RGL1: variants seen among roughly 807,000 people sequenced by gnomAD.
The protein encoded by RGL1 is ral guanine nucleotide dissociation stimulator-like 1.
In RGL1, 24 loss-of-function variants were observed where a neutral mutation model predicts 95.2. The observed-to-expected ratio is 0.25, with a 90% CI of 0.18 to 0.35. RGL1 has a LOEUF of 0.35. Among genes scored for constraint, RGL1 ranks in the 10% least tolerant of loss-of-function variants. RGL1 has a pLI of 1.00. For synonymous variants in RGL1, 329 were observed against 344.9 expected, an observed-to-expected ratio of 0.95 and a Z score of 0.51; for missense variants, 715 against 936.3, an observed-to-expected ratio of 0.76 and a Z score of 3.08.
In RGL1 at chr1:183,891,757, T is replaced by G. The variant is rs796831004; in HGVS notation, c.1056-320T>G. ...AGTTTTTTTTTTTTTTTTTTTTTTT[T>G]TTTGTTTAACTCACTGAGAAGAACA... On this transcript the variant is annotated intron_variant, in intron 8 of 17. Transcript: ENST00000360851. Among the ~76,000 whole-genome samples, 1,077 of 121,750 alleles carry G rather than the reference T, an allele frequency of 8.8e-3. 8 individuals carry two copies. The highest frequency in any genetic ancestry group is 0.012 in the Non-Finnish European group (690 of 57,118). 79.9% of individuals were successfully genotyped at this position (121,750 alleles called of 152,430 possible). A position where few individuals can be genotyped will look rare whatever the true frequency, so the allele number is the denominator to read the frequency against.
chr1:183,831,143 G>T (rs1255083084), intron 2 of RGL1, among the ~76,000 whole-genome samples: 1 of 152,210 alleles, frequency 6.6e-6, no homozygotes, highest in Non-Finnish European at 1.5e-5. Flanking sequence ...TGGTGTGGCA[G>T]GGGAAGATGG....
chr1:183,708,773 G>A (rs1215340391), intron 1 of RGL1, among the ~76,000 whole-genome samples: 1 of 152,248 alleles, frequency 6.6e-6, no homozygotes, highest in Non-Finnish European at 1.5e-5. Context: ...GATGAGATCA[G>A]TGACTGGTGT....
At chr1:183,904,114 G>T (rs886201950) in intron 12 of RGL1, among the ~76,000 whole-genome samples, 11 of 152,136 alleles carry the variant, frequency 7.2e-5, no homozygotes, top group African/African-American at 2.4e-4. Flanking sequence ...TTAAACTTCT[G>T]GAAAGTTTGA....
At chr1:183,791,645 T>G (rs1271440251) in intron 2 of RGL1, among the ~76,000 whole-genome samples, 1 of 152,212 alleles carries the variant, frequency 6.6e-6, no homozygotes, top group Non-Finnish European at 1.5e-5. Context: ...TTTTTAAAAC[T>G]TTTCTATGTT....
At chr1:183,739,061 C>T (rs1201082980) in intron 1 of RGL1, among the ~76,000 whole-genome samples, 1 of 152,152 alleles carries the variant, frequency 6.6e-6, no homozygotes, top group Non-Finnish European at 1.5e-5. Flanking sequence ...TTTAAGGTAG[C>T]AACAGCAAAG....
intron 2 of RGL1, among the ~76,000 whole-genome samples, chr1:183,746,799 C>T (rs1276279737): frequency 6.6e-6 from 1 of 151,942 alleles, no homozygotes; most frequent in East Asian, 1.9e-4. Context: ...CTCCCCTTGC[C>T]CCCCATCCCC....
chr1:183,691,199 C>T (rs181842132), intron 1 of RGL1, among the ~76,000 whole-genome samples: 398 of 152,232 alleles, frequency 2.6e-3, no homozygotes, highest in Middle Eastern at 6.8e-3. Flanking sequence ...ATAAAATGAA[C>T]ATGACTTGGT....
chr1:183,675,207 G>A (rs535442634), intron 1 of RGL1, among the ~76,000 whole-genome samples: 2 of 152,232 alleles, frequency 1.3e-5, no homozygotes, highest in Non-Finnish European at 2.9e-5. Flanking sequence ...TTACATTTTG[G>A]TTGGGATGGG....
chr1:183,904,422 A>G lies in RGL1; in HGVS notation c.1351-428A>G, dbSNP rs553924163. 7.9e-5 allele frequency among the ~76,000 whole-genome samples: 12 copies of G among 152,302 alleles called. No individual in the cohort carries two copies. In the East Asian group the frequency reaches 2.1e-3, roughly 27 times the overall value. ...GGATCTTGGGAGCTCCCTGACTTAA[A>G]GTATTTCTTTTCTTTTTTTTAAGAA... On this transcript the variant is annotated intron_variant, in intron 12 of 17. Transcript: ENST00000360851.
chr1:183,840,341 T>G (rs1663962739), intron 2 of RGL1, among the ~76,000 whole-genome samples: 3 of 152,158 alleles, frequency 2.0e-5, no homozygotes, highest in African/African-American at 7.2e-5. Context: ...GAATCCTGGT[T>G]TCTATGATTC....
intron 4 of RGL1, among the ~76,000 whole-genome samples, chr1:183,867,227 CAG>C (rs1665893099): frequency 6.6e-6 from 1 of 152,010 alleles, no homozygotes; most frequent in Non-Finnish European, 1.5e-5. Context: ...GAACTAAGGG[CAG>C]ATAGAGGAGA....
chr1:183,881,349 T>G (rs1243655343), intron 5 of RGL1, among the ~76,000 whole-genome samples: 1 of 152,204 alleles, frequency 6.6e-6, no homozygotes. Flanking sequence ...CAGTGCAGAT[T>G]GTCATCATTT....
intron 4 of RGL1, among the ~76,000 whole-genome samples, chr1:183,878,166 A>G (rs555683559): frequency 1.3e-5 from 2 of 151,662 alleles, no homozygotes; most frequent in African/African-American, 2.4e-5. Context: ...CTATCTATCT[A>G]TCTATCTATC....
intron 7 of RGL1, among the ~76,000 whole-genome samples, chr1:183,885,959 T>A (rs1330009952): frequency 6.6e-6 from 1 of 152,124 alleles, no homozygotes; most frequent in Non-Finnish European, 1.5e-5. Flanking sequence ...GTTTTTTTTT[T>A]TCTAGGCAAA....
intron 11 of RGL1, 59 bp from the exon 12 acceptor site, chr1:183,902,509 A>T: frequency 6.8e-7 from 1 of 1,462,334 alleles, no homozygotes; most frequent in Non-Finnish European, 9.4e-7. Flanking sequence ...CTACGACAAC[A>T]TATGGCTGTG....
chr1:183,812,734 G>A (rs775572743), intron 2 of RGL1, among the ~76,000 whole-genome samples: 5 of 152,192 alleles, frequency 3.3e-5, no homozygotes, highest in African/African-American at 9.7e-5. Flanking sequence ...GAGAAGTGAC[G>A]GATGAGTGAG....
At chr1:183,786,459 T>A (rs1449156403) in intron 2 of RGL1, among the ~76,000 whole-genome samples, 1 of 152,182 alleles carries the variant, frequency 6.6e-6, no homozygotes, top group Non-Finnish European at 1.5e-5. Flanking sequence ...GATTTCAGAT[T>A]TTTAAAATAT....
chr1:183,793,526 C>G (rs915424897), intron 2 of RGL1, among the ~76,000 whole-genome samples: 2 of 151,924 alleles, frequency 1.3e-5, no homozygotes, highest in East Asian at 3.9e-4. Context: ...ATTCAACTGA[C>G]AAGGGACTAA....
At chr1:183,677,955 CT>C (rs970701260) in intron 1 of RGL1, among the ~76,000 whole-genome samples, 12 of 152,068 alleles carry the variant, frequency 7.9e-5, no homozygotes, top group African/African-American at 2.4e-4. Flanking sequence ...AACTGGAAGG[CT>C]TTTTTTCTGA....
Sources: allele counts gnomAD v4.1 joint callset (sites outside exome capture counted in the v4.1 genomes callset), GRCh38; gene constraint gnomAD v4.1.1; transcripts MANE v1.5; gene names NCBI Gene and HGNC (gene_info 2026-07-23, HGNC 2026-07-21).